RNF157: variants seen among roughly 807,000 people sequenced by gnomAD.
RNF157 encodes the protein E3 ubiquitin ligase RNF157.
RNF157 carries 55 observed loss-of-function variants against 88.3 expected under a neutral mutation model. The ratio of observed to expected loss-of-function variants is 0.62; its 90% CI spans 0.50 to 0.78. The LOEUF is 0.78. Among genes scored for constraint, RNF157 ranks in the 30% least tolerant of loss-of-function variants. The pLI is 0.00. For missense variants in RNF157, 788 were observed against 860.8 expected (o/e 0.92, Z 1.06); for synonymous variants, 334 against 341.2 (o/e 0.98, Z 0.23).
At chr17:76,158,345 A>AAGTCCCTG in intron 13 of RNF157, 48 bp downstream of exon 13, 1 of 1,261,674 alleles carries the variant, frequency 7.9e-7, no homozygotes, top group South Asian at 1.2e-5. Flanking sequence ...GGTAGGAGGG[A>AAGTCCCTG]AGTCCCTGGA....
chr17:76,171,903 A>G (rs551981132), intron 3 of RNF157, among the ~76,000 whole-genome samples: 12 of 152,234 alleles, frequency 7.9e-5, no homozygotes, highest in Non-Finnish European at 1.2e-4. Context: ...ACCTCACAGC[A>G]GCTCAGGCCC....
chr17:76,224,354 TAAC>T (rs909999724), intron 1 of RNF157, among the ~76,000 whole-genome samples: 27 of 151,066 alleles, frequency 1.8e-4, no homozygotes, highest in Admixed American at 1.5e-3. Context: ...CTATGAATTA[TAAC>T]AACATATAAT....
At chr17:76,224,365 A>G (rs1371230167) in intron 1 of RNF157, among the ~76,000 whole-genome samples, 1 of 146,334 alleles carries the variant, frequency 6.8e-6, no homozygotes, top group Non-Finnish European at 1.5e-5. Flanking sequence ...AACAACATAT[A>G]ATAAAGGACA....
intron 5 of RNF157, among the ~76,000 whole-genome samples, 184 bp from the exon 6 acceptor site, chr17:76,166,711 T>C (rs1028399726): frequency 4.6e-5 from 7 of 152,196 alleles, no homozygotes; most frequent in African/African-American, 1.4e-4. Context: ...AAAAATGTCA[T>C]AGATGTAAAT....
chr17:76,210,369 G>A (rs896591971), intron 2 of RNF157, among the ~76,000 whole-genome samples: 90 of 151,646 alleles, frequency 5.9e-4, no homozygotes, highest in African/African-American at 1.7e-3. Flanking sequence ...CAAGGTGGGC[G>A]GATCACGAGG....
chr17:76,239,763 G>T (rs529415427), intron 1 of RNF157, among the ~76,000 whole-genome samples: 1 of 152,168 alleles, frequency 6.6e-6, no homozygotes, highest in African/African-American at 2.4e-5. Context: ...CCGCGAGGCA[G>T]GTAGGCTTTG....
At chr17:76,151,428 G>A (rs1481798548) in intron 18 of RNF157, among the ~76,000 whole-genome samples, 2 of 152,182 alleles carry the variant, frequency 1.3e-5, no homozygotes, top group Non-Finnish European at 2.9e-5. Flanking sequence ...CTCCAGCCAC[G>A]TCGCTGAGCG....
At chr17:76,162,852 A>T (rs1394058544) in intron 8 of RNF157, 1 of 409,066 alleles carries the variant, frequency 2.4e-6, no homozygotes, top group Non-Finnish European at 4.3e-6. Context: ...TACAACAGGG[A>T]ACATAAAATT....
intron 2 of RNF157, among the ~76,000 whole-genome samples, chr17:76,189,100 T>C (rs1433058267): frequency 6.6e-6 from 1 of 152,124 alleles, no homozygotes; most frequent in Non-Finnish European, 1.5e-5. Context: ...GAAGGAAACA[T>C]GAGAACCAAA....
chr17:76,162,063 T>C, intron 9 of RNF157, 61 bp from the exon 10 acceptor site: 1 of 1,544,626 alleles, frequency 6.5e-7, no homozygotes, highest in Non-Finnish European at 8.8e-7. Context: ...CATACTTTAC[T>C]GACAAGGCAG....
intron 1 of RNF157, among the ~76,000 whole-genome samples, chr17:76,220,094 G>T (rs1473217419): frequency 1.1e-4 from 16 of 152,044 alleles, no homozygotes; most frequent in Non-Finnish European, 7.4e-5. Flanking sequence ...GTAGGAGGGG[G>T]TGCCGCTAGC....
intron 2 of RNF157, among the ~76,000 whole-genome samples, chr17:76,188,489 A>C (rs1230569614): frequency 6.6e-6 from 1 of 152,182 alleles, no homozygotes; most frequent in African/African-American, 2.4e-5. Context: ...CCTGAAGAAT[A>C]AATAGGTGTC....
chr17:76,219,795 C>T (rs915887246), intron 1 of RNF157, among the ~76,000 whole-genome samples: 6 of 151,782 alleles, frequency 4.0e-5, no homozygotes, highest in African/African-American at 9.7e-5. Context: ...AAGAAAACTG[C>T]GAAAAATATA....
intron 2 of RNF157, among the ~76,000 whole-genome samples, chr17:76,208,069 C>T (rs1352688286): frequency 2.0e-5 from 3 of 152,032 alleles, no homozygotes; most frequent in Non-Finnish European, 4.4e-5. Flanking sequence ...GCATGCACCA[C>T]CACGCCTGGC....
At chr17:76,197,853 G>A (rs1464868482) in intron 2 of RNF157, among the ~76,000 whole-genome samples, 3 of 152,336 alleles carry the variant, frequency 2.0e-5, no homozygotes, top group African/African-American at 7.2e-5. Flanking sequence ...TCAGGCCCTG[G>A]TAGGGAAGGA....
intron 3 of RNF157, among the ~76,000 whole-genome samples, chr17:76,172,375 T>A (rs2069028126): frequency 6.6e-6 from 1 of 151,748 alleles, no homozygotes. Flanking sequence ...GCAGATCACC[T>A]GAGGTTGGGA....
In RNF157 at chr17:76,225,820, C is replaced by A. The variant is rs2070072651; in HGVS notation, c.89-13338G>T. 9 of 1,601,712 alleles carry A rather than the reference C, an allele frequency of 5.6e-6. No homozygotes were observed. In the South Asian group the frequency reaches 1.0e-4, roughly 18 times the overall value. ...TCAAATCTTTCAGGTACTGGATCTCCTTGGCCAGGGAATCTGCCCTCTCTT... is the reference window on the plus strand; with the variant it reads ...TCAAATCTTTCAGGTACTGGATCTCATTGGCCAGGGAATCTGCCCTCTCTT... On this transcript the variant is annotated intron_variant, in intron 1 of 18. Coordinates refer to ENST00000269391, the MANE Select transcript of RNF157 (RefSeq NM_052916.3).
In RNF157 at chr17:76,195,329, T is replaced by C. The variant is rs999623824; in HGVS notation, c.207+17035A>G. Among the ~76,000 whole-genome samples, 6 of 152,186 alleles carry C rather than the reference T, an allele frequency of 3.9e-5. No individual in the cohort carries two copies. Among genetic ancestry groups the C allele is most frequent in the Admixed American group, 6.5e-5 (1 of 15,278 alleles). ...GAGATCACCTGTCTCTCCAACTTCATTGGTTATCGGGAAAATGAAAATAAA... is the reference window on the plus strand; with the variant it reads ...GAGATCACCTGTCTCTCCAACTTCACTGGTTATCGGGAAAATGAAAATAAA... On this transcript the variant is annotated intron_variant, in intron 2 of 18. Coordinates refer to ENST00000269391, the MANE Select transcript of RNF157 (RefSeq NM_052916.3). This position sits in a 1 kb window ranked among gnomAD's most constrained non-coding sequence, Gnocchi z 4.4.
chr17:76,173,178 C>T (rs944087582), intron 3 of RNF157, among the ~76,000 whole-genome samples: 4 of 151,696 alleles, frequency 2.6e-5, no homozygotes, highest in African/African-American at 7.3e-5. Flanking sequence ...CCCAGCTACT[C>T]GGGAGGCTGA....
Sources: allele counts gnomAD v4.1 joint callset (sites outside exome capture counted in the v4.1 genomes callset), GRCh38; gene constraint gnomAD v4.1.1; non-coding constraint Gnocchi (gnomAD v3.1); transcripts MANE v1.5; gene names NCBI Gene and HGNC (gene_info 2026-07-23, HGNC 2026-07-21).